The following MAP3K12 variants were observed in gnomAD, a reference collection of about 807,000 sequenced individuals.
MAP3K12 encodes the protein MAPK-upstream kinase.
A neutral mutation model predicts 87.5 loss-of-function variants in MAP3K12; 14 were observed. That is an observed-to-expected ratio of 0.16 (90% confidence interval 0.11 to 0.25). MAP3K12 has a LOEUF of 0.25. Among genes scored for constraint, MAP3K12 ranks in the 10% least tolerant of loss-of-function variants. The pLI, the probability that MAP3K12 is intolerant of heterozygous loss-of-function variation, is 1.00. For missense variants in MAP3K12, 802 were observed against 1,140.4 expected, an observed-to-expected ratio of 0.70 and a Z score of 4.27; for synonymous variants, 469 against 452.5, an observed-to-expected ratio of 1.04 and a Z score of -0.46.
rs370369155 is a variant in MAP3K12, at chr12:53,487,380, G to C, written c.12C>G (p.Leu4=). 1.1e-5 allele frequency: 17 copies of C among 1,611,234 alleles called. No homozygotes were observed. The highest frequency in any genetic ancestry group is 1.3e-5 in the Non-Finnish European group (15 of 1,178,492). Residue 4 remains leucine (L), a synonymous_variant, in exon 2 of 14, where the codon CTC becomes CTG. Coordinates refer to ENST00000547488, the MANE Select transcript of MAP3K12 (RefSeq NM_001193511.2). MAC[L]HETRTPSPSF... ...AAGGAGAGGGTGTTCGGGTCTCATG[G>C]AGGCAAGCCATCGCCTCTGGCCCCT...
At position 53,480,662 on chromosome 12, in the gene MAP3K12, C is replaced by T. The variant is rs1422137572; in HGVS notation, c.*520G>A. The T allele has an allele frequency of 6.6e-6, 1 of 152,514 alleles. No individual in the cohort carries two copies. Among genetic ancestry groups the T allele is most frequent in the Non-Finnish European group, 1.5e-5 (1 of 68,050 alleles). 9.4% of individuals were successfully genotyped at this position (152,514 alleles called of 1,614,324 possible). ...CCTAACCTCCCCCTGGGCCTTAAGACAGGGCTTGGGCAGAGAAGATAAATG... is the reference window on the plus strand; with the variant it reads ...CCTAACCTCCCCCTGGGCCTTAAGATAGGGCTTGGGCAGAGAAGATAAATG... On this transcript the variant is annotated 3_prime_UTR_variant, in exon 14 of 14. Transcript: ENST00000547488.
chr12:53,501,306 C>G, upstream of MAP3K12: 1 of 1,373,810 alleles, frequency 7.3e-7, no homozygotes, highest in Non-Finnish European at 1.0e-6. Flanking sequence ...GCGGGCCCTA[C>G]CGGCCGCGAC....
In MAP3K12 at chr12:53,482,387, T is replaced by TG. The variant is rs565422943; in HGVS notation, c.2239-19dup. 1,315 of 1,594,974 alleles carry TG rather than the reference T, an allele frequency of 8.2e-4. 4 individuals carry two copies. Among genetic ancestry groups the TG allele is most frequent in the Middle Eastern group, 5.3e-3 (32 of 6,020 alleles). On this transcript the variant is annotated intron_variant, in intron 11 of 13. Transcript: ENST00000547488. ...CCACGTTTCTGCAGGAGAGATGGGG[T>TG]GGGGGGGGTCTGATTAGAAGTGGAA...
Position 53,482,750 on chromosome 12 carries a change from A to G in MAP3K12, c.2053T>C (p.Ser685Pro). 1 of 1,613,978 alleles carries G rather than the reference A, an allele frequency of 6.2e-7. No homozygotes were observed. The highest frequency in any genetic ancestry group is 1.3e-5 in the African/African-American group (1 of 75,058). The change falls in exon 11 of 14, where the codon TCC becomes CCC. Residue 685 changes from serine (S) to proline (P), a missense_variant. Around this residue, in one of 5 missense-constraint regions of MAP3K12, gnomAD observed 490 missense variants for 496.6 expected, o/e 0.99. Coordinates refer to ENST00000547488, the MANE Select transcript of MAP3K12 (RefSeq NM_001193511.2). ...CCCCCAGGTGAATCTGGGCTGGTGG[A>G]GCCAGGGGCTGAGCCCTCACTTGGT... ...TPPSEGSAPG[S>P]TSPDSPGGAK...
chr12:53,491,835 A>G (rs771167664), intron 1 of MAP3K12, among the ~76,000 whole-genome samples: 1 of 151,510 alleles, frequency 6.6e-6, no homozygotes, highest in Non-Finnish European at 1.5e-5. Context: ...GCACTCTGGG[A>G]AGCCGAGGTG....
intron 1 of MAP3K12, among the ~76,000 whole-genome samples, chr12:53,496,101 T>C (rs1943542777): frequency 1.3e-5 from 2 of 152,130 alleles, no homozygotes; most frequent in Admixed American, 1.3e-4. Flanking sequence ...GGGAGCAGCA[T>C]GTTTCCTCCT....
At chr12:53,495,200 G>A (rs1005734571) in intron 1 of MAP3K12, among the ~76,000 whole-genome samples, 9 of 151,590 alleles carry the variant, frequency 5.9e-5, no homozygotes, top group African/African-American at 1.5e-4. Context: ...TTAGCTGGGC[G>A]TGGTGGCGGA....
At chr12:53,499,667 T>G (rs1592728992), upstream of MAP3K12, 1 of 71,872 alleles carries the variant, frequency 1.4e-5, no homozygotes, top group African/African-American at 5.5e-5. Context: ...GAACTCCCGC[T>G]CCTTCCAGGG....
chr12:53,499,263 T>G (rs1943620936), intron 1 of MAP3K12, among the ~76,000 whole-genome samples, 164 bp downstream of exon 1: 1 of 151,520 alleles, frequency 6.6e-6, no homozygotes, highest in South Asian at 2.1e-4. Context: ...CCCACAGGCG[T>G]CGGGTCCAGG....
rs370208561 is a variant in MAP3K12, at chr12:53,482,388, G to T, written c.2239-19C>A. ...CACGTTTCTGCAGGAGAGATGGGGT[G>T]GGGGGGGTCTGATTAGAAGTGGAAA... On this transcript the variant is annotated intron_variant, in intron 11 of 13. Coordinates refer to ENST00000547488, the MANE Select transcript of MAP3K12 (RefSeq NM_001193511.2). 5.0e-6 allele frequency: 8 copies of T among 1,607,858 alleles called. No homozygotes were observed. The highest frequency in any genetic ancestry group is 2.2e-5 in the South Asian group (2 of 90,952).
At chr12:53,494,117 G>GC (rs1943488638) in intron 1 of MAP3K12, among the ~76,000 whole-genome samples, 1 of 152,216 alleles carries the variant, frequency 6.6e-6, no homozygotes, top group South Asian at 2.1e-4. Flanking sequence ...CTGCCCCCTG[G>GC]CTGGGCCTTG....
At chr12:53,481,851 C>T (rs1943061615) in intron 13 of MAP3K12, 90 bp downstream of exon 13, 7 of 1,489,976 alleles carry the variant, frequency 4.7e-6, no homozygotes, top group Admixed American at 1.9e-5. Context: ...CTGGCCTGTG[C>T]AGCTGTCTCC....
rs924657715 is a variant in MAP3K12, at chr12:53,480,424, C to T, written c.*758G>A. On this transcript the variant is annotated 3_prime_UTR_variant, in exon 14 of 14. Coordinates refer to ENST00000547488, the MANE Select transcript of MAP3K12 (RefSeq NM_001193511.2). ...TTCTCCAGACACCTCAGATAAAGTC[C>T]GGAGCCCAAGGCTTTATCTTAACCA... 2.6e-5 allele frequency: 4 copies of T among 152,384 alleles called. No homozygotes were observed. Among genetic ancestry groups the T allele is most frequent in the Non-Finnish European group, 5.9e-5 (4 of 68,016 alleles). 9.4% of individuals were successfully genotyped at this position (152,384 alleles called of 1,614,324 possible).
In MAP3K12 at chr12:53,487,039, C is replaced by G; in HGVS notation, c.353G>C (p.Ser118Thr). 1 of 1,614,164 alleles carries G rather than the reference C, an allele frequency of 6.2e-7. No individual in the cohort carries two copies. The highest frequency in any genetic ancestry group is 8.5e-7 in the Non-Finnish European group (1 of 1,180,032). ...DEVRLQCQSG[S>T]GFLEGLFGCL... ...GCCAAAGAGGCCCTCAAGGAAGCCA[C>G]TGCCACTCTGGCACTGCAGTCGCAC... is the stretch of plus-strand genomic sequence containing the variant. The change falls in exon 2 of 14, where the codon AGT (serine) becomes ACT (threonine). Residue 118 changes from serine (S) to threonine (T), a missense_variant. Ser to Thr is a moderately conservative substitution (Grantham distance 58, BLOSUM62 1). This residue lies in a region of MAP3K12 where 135 missense variants were observed against 151.6 expected (regional missense o/e 0.89). Transcript: ENST00000547488.
At chr12:53,495,042 G>A (rs1285491830) in intron 1 of MAP3K12, among the ~76,000 whole-genome samples, 1 of 150,640 alleles carries the variant, frequency 6.6e-6, no homozygotes, top group Non-Finnish European at 1.5e-5. Context: ...CACCACACCA[G>A]ACTAAATTAA....
Position 53,482,146 on chromosome 12 carries a change from C to G in MAP3K12, c.2375G>C (p.Gly792Ala), listed in dbSNP as rs1283157316. Residue 792 changes from glycine to alanine, a missense_variant, in exon 13 of 14, where the codon GGG (glycine) becomes GCG (alanine). Gly to Ala is a moderately conservative substitution (Grantham distance 60, BLOSUM62 0). Coordinates refer to ENST00000547488, the MANE Select transcript of MAP3K12 (RefSeq NM_001193511.2). ...AGGTTCACTAGCTGTGCCTTCCTCC[C>G]CATCTGATGGATTCTCTGAGCTGAA... Reference protein sequence around the residue: ...STFSSENPSDGEEGTASEPSP... With the variant: ...STFSSENPSDAEEGTASEPSP... 1 of 1,614,090 alleles carries G rather than the reference C, an allele frequency of 6.2e-7. No individual in the cohort carries two copies. The highest frequency in any genetic ancestry group is 1.3e-5 in the African/African-American group (1 of 74,934).
chr12:53,496,184 C>T (rs1288446738), intron 1 of MAP3K12, among the ~76,000 whole-genome samples: 1 of 152,134 alleles, frequency 6.6e-6, no homozygotes, highest in East Asian at 1.9e-4. Flanking sequence ...TGGTCTCTGA[C>T]CTTCTGCTTT....
At chr12:53,489,736 T>C (rs1163917299) in intron 1 of MAP3K12, among the ~76,000 whole-genome samples, 2 of 152,184 alleles carry the variant, frequency 1.3e-5, no homozygotes, top group Non-Finnish European at 2.9e-5. Flanking sequence ...ACAAGGAGGC[T>C]TGGGAAACTC....
rs138473400 is a variant in MAP3K12 at position 53,480,297 on chromosome 12, A to G, written c.*885T>C. On this transcript the variant is annotated 3_prime_UTR_variant, in exon 14 of 14. Transcript: ENST00000547488. ...TAGTCCTCCATAACAAGTTAGAAGG[A>G]TGTATCTGCTACCATTTATTCCTAT... 2.8e-4 allele frequency: 43 copies of G among 152,310 alleles called. 1 individual carries two copies. The East Asian group carries it at 7.5e-3, about 27-fold the overall frequency. The allele number at this position is 152,310 out of a possible 1,614,324, so 9.4% of individuals were successfully genotyped here. A position where few individuals can be genotyped will look rare whatever the true frequency, so the allele number is the denominator to read the frequency against.
Sources: gnomAD v4.1 joint callset for allele counts (sites outside exome capture counted in the v4.1 genomes callset) on GRCh38, gnomAD v4.1.1 for gene constraint, gnomAD v4.1.1 regional missense constraint, MANE v1.5 for transcripts, NCBI Gene and HGNC (gene_info 2026-07-23, HGNC 2026-07-21) for gene names.